The following IFT25 variants were observed in gnomAD, a reference collection of about 807,000 sequenced individuals.
The protein encoded by IFT25 is intraflagellar transport protein 25 homolog.
At chr1:53,913,394 T>C in the IFT25 span, among the ~76,000 whole-genome samples, 1 of 152,242 alleles carries the variant, frequency 6.6e-6, no homozygotes, top group African/African-American at 2.4e-5. Flanking sequence ...TGTTGGAGGC[T>C]CTGCTTCTAG....
At chr1:53,923,629 CAAAT>C in the IFT25 span, 1 of 323,800 alleles carries the variant, frequency 3.1e-6, no homozygotes, top group East Asian at 5.9e-5. Flanking sequence ...GAAAGCAAAC[CAAAT>C]AAATACTTCA....
At chr1:53,925,664 CAA>C in the IFT25 span, among the ~76,000 whole-genome samples, 4 of 81,452 alleles carry the variant, frequency 4.9e-5, no homozygotes, top group Non-Finnish European at 5.0e-5. Context: ...GACTCAGTCT[CAA>C]AAAAAAAAAA....
At chr1:53,939,930 A>T in the IFT25 span, 1 of 975,544 alleles carries the variant, frequency 1.0e-6, no homozygotes, top group Non-Finnish European at 1.7e-6. Context: ...CAGTCCAAGT[A>T]CTCAAGGGAT....
the IFT25 span, among the ~76,000 whole-genome samples, chr1:53,945,087 C>A: frequency 3.5e-4 from 53 of 152,290 alleles, no homozygotes; most frequent in African/African-American, 1.3e-3. Context: ...GGCAAACCAG[C>A]CCTGGCACCA....
chr1:53,924,619 G>A, the IFT25 span, among the ~76,000 whole-genome samples: 1 of 152,172 alleles, frequency 6.6e-6, no homozygotes, highest in East Asian at 1.9e-4. Flanking sequence ...GGCGGATCAC[G>A]AGTTCAGGAG....
chr1:53,941,415 TTTC>T, the IFT25 span, among the ~76,000 whole-genome samples: 45 of 152,366 alleles, frequency 3.0e-4, no homozygotes, highest in African/African-American at 1.0e-3. Flanking sequence ...TAAAAATGCA[TTTC>T]TTCTTAGTTT....
At chr1:53,915,829 C>G in the IFT25 span, among the ~76,000 whole-genome samples, 10 of 152,074 alleles carry the variant, frequency 6.6e-5, no homozygotes, top group Non-Finnish European at 2.9e-5. Flanking sequence ...AGTCCATGGG[C>G]AGGTGGAGAA....
chr1:53,937,508 GT>G, the IFT25 span, among the ~76,000 whole-genome samples: 11 of 152,174 alleles, frequency 7.2e-5, no homozygotes, highest in Non-Finnish European at 2.9e-5. Flanking sequence ...ATTCTGTTCA[GT>G]TATCAGGACA....
At chr1:53,940,090 T>G in the IFT25 span, 1 of 1,483,014 alleles carries the variant, frequency 6.7e-7, no homozygotes, top group Non-Finnish European at 9.3e-7. Flanking sequence ...CATCTTAAAG[T>G]GTTTAACCTG....
At chr1:53,928,044 C>A in the IFT25 span, among the ~76,000 whole-genome samples, 1 of 152,066 alleles carries the variant, frequency 6.6e-6, no homozygotes, top group Admixed American at 6.6e-5. Flanking sequence ...TTAATCAGGA[C>A]AAAAGGAAAG....
chr1:53,919,462 C>G, the IFT25 span, among the ~76,000 whole-genome samples: 1 of 152,108 alleles, frequency 6.6e-6, no homozygotes, highest in Non-Finnish European at 1.5e-5. Flanking sequence ...ACCTGCAAAC[C>G]TTAAAATATG....
At chr1:53,921,590 C>T in the IFT25 span, 1 of 904,124 alleles carries the variant, frequency 1.1e-6, no homozygotes, top group Non-Finnish European at 1.8e-6. Context: ...TAAAGTATAT[C>T]AGTGACAACT....
At chr1:53,923,865 G>C in the IFT25 span, 1 of 1,200,498 alleles carries the variant, frequency 8.3e-7, no homozygotes, top group Non-Finnish European at 1.2e-6. Flanking sequence ...AATACATTGT[G>C]CAGGTTAATT....
chr1:53,944,017 T>C, the IFT25 span, among the ~76,000 whole-genome samples: 2 of 152,248 alleles, frequency 1.3e-5, no homozygotes, highest in Non-Finnish European at 2.9e-5. Flanking sequence ...GTTCTTTTCT[T>C]ACCTCACATT....
chr1:53,920,970 T>C, the IFT25 span, among the ~76,000 whole-genome samples: 35,997 of 152,036 alleles, frequency 0.24, 6,796 homozygotes, highest in African/African-American at 0.53. Flanking sequence ...CTCAGGAGTT[T>C]GAGACAATCC....
chr1:53,928,469 G>GTTAA, the IFT25 span: 1 of 1,519,444 alleles, frequency 6.6e-7, no homozygotes, highest in Non-Finnish European at 9.1e-7. Context: ...TAAGTAAAGT[G>GTTAA]TTAATCTGGC....
chr1:53,915,585 A>G, the IFT25 span, among the ~76,000 whole-genome samples: 21 of 152,356 alleles, frequency 1.4e-4, no homozygotes, highest in South Asian at 3.7e-3. Flanking sequence ...GAAGAAAAAT[A>G]AAACAGGGAA....
the IFT25 span, among the ~76,000 whole-genome samples, chr1:53,918,310 TATA>T: frequency 2.6e-5 from 4 of 152,240 alleles, no homozygotes; most frequent in South Asian, 6.2e-4. Context: ...AGCATTTTGT[TATA>T]ATTACTAGGA....
At chr1:53,914,324 A>G in the IFT25 span, among the ~76,000 whole-genome samples, 1 of 152,194 alleles carries the variant, frequency 6.6e-6, no homozygotes, top group Admixed American at 6.5e-5. Flanking sequence ...TTTTGATGTT[A>G]GGGATTATAG....
Sources: gnomAD v4.1 joint callset for allele counts (sites outside exome capture counted in the v4.1 genomes callset) on GRCh38, gnomAD v4.1.1 for gene constraint, MANE v1.5 for transcripts, NCBI Gene and HGNC (gene_info 2026-07-23, HGNC 2026-07-21) for gene names.